HOXB3: variants seen among roughly 807,000 people sequenced by gnomAD.
HOXB3 encodes homeobox B3, also known as homeobox protein Hox-B3.
Under a neutral mutation model 29.2 loss-of-function variants are expected in HOXB3, and 17 were observed. The ratio of observed to expected loss-of-function variants is 0.58; its 90% CI spans 0.40 to 0.87. HOXB3 has a LOEUF of 0.87. Ranked by LOEUF, HOXB3 falls within the 40% of genes least tolerant of loss-of-function variation. The pLI, the probability that HOXB3 is intolerant of heterozygous loss-of-function variation, is 0.00. For synonymous variants in HOXB3, 317 were observed against 285.9 expected (o/e 1.11, Z -1.10); for missense variants, 637 against 616.3 (o/e 1.03, Z -0.35).
intron 1 of HOXB3, among the ~76,000 whole-genome samples, chr17:48,587,158 T>C (rs1336425057): frequency 6.6e-6 from 1 of 152,130 alleles, no homozygotes; most frequent in Non-Finnish European, 1.5e-5. Context: ...CAGAGGGCCC[T>C]CCAATCTCAA....
chr17:48,550,719 A>C lies in HOXB3; in HGVS notation c.911T>G (p.Leu304Arg), dbSNP rs751235759. ...FGKAHQNAYALPSNYQPPLKG... is the reference protein window; with the variant it reads ...FGKAHQNAYARPSNYQPPLKG... ...GAGAGGGGGCTGGTAGTTGGAGGGC[A>C]GCGCGTAGGCATTCTGGTGGGCTTT... Residue 304 changes from leucine (L) to arginine (R), a missense_variant, in exon 5 of 5, where the codon CTG becomes CGG. Coordinates refer to ENST00000498678, the MANE Select transcript of HOXB3 (RefSeq NM_001384749.1). 3 of 1,555,304 alleles carry C rather than the reference A, an allele frequency of 1.9e-6. No homozygotes were observed. Among genetic ancestry groups the C allele is most frequent in the Non-Finnish European group, 2.6e-6 (3 of 1,149,118 alleles).
chr17:48,589,379 C>G (rs1465611556), intron 1 of HOXB3, among the ~76,000 whole-genome samples: 1 of 152,210 alleles, frequency 6.6e-6, no homozygotes, highest in Admixed American at 6.5e-5. Context: ...CCTTCCCCCA[C>G]TCCTGGTTCA....
chr17:48,557,406 G>A (rs551171994), intron 2 of HOXB3: 1 of 152,422 alleles, frequency 6.6e-6, no homozygotes, highest in African/African-American at 2.4e-5. Flanking sequence ...ATAGGTTGGA[G>A]GTGTCTGGCA....
intron 1 of HOXB3, chr17:48,578,265 G>A (rs765594322): frequency 6.8e-6 from 11 of 1,614,000 alleles, no homozygotes; most frequent in Non-Finnish European, 7.6e-6. Flanking sequence ...TCCTCGCATG[G>A]AGGGAACTTG....
intron 2 of HOXB3, among the ~76,000 whole-genome samples, chr17:48,569,486 G>T (rs2069510482): frequency 6.6e-6 from 1 of 150,900 alleles, no homozygotes; most frequent in South Asian, 2.1e-4. Flanking sequence ...GAAATAGTCT[G>T]CAGGGGCGTC....
chr17:48,587,768 C>T (rs1231914856), intron 1 of HOXB3, among the ~76,000 whole-genome samples: 1 of 152,220 alleles, frequency 6.6e-6, no homozygotes, highest in Non-Finnish European at 1.5e-5. Flanking sequence ...TTCCTCCCAC[C>T]CATTGGCCTC....
intron 1 of HOXB3, chr17:48,580,320 T>TC (rs1316012045): frequency 6.7e-6 from 1 of 149,732 alleles, no homozygotes; most frequent in Non-Finnish European, 1.4e-5. Flanking sequence ...CCAGGACTTT[T>TC]TTTTTTTTTT....
Position 48,554,637 on chromosome 17 carries a change from G to A in HOXB3, c.-159+894C>T. 2 of 702,178 alleles carry A rather than the reference G, an allele frequency of 2.8e-6. No individual in the cohort carries two copies. Among genetic ancestry groups the A allele is most frequent in the South Asian group, 3.0e-5 (2 of 67,582 alleles). 43.5% of individuals were successfully genotyped at this position (702,178 alleles called of 1,614,324 possible). ...GACAAGCTACCAGCCACCTACGATG[G>A]CCCAAGGAGGCGAAGAAGAGCAAGC... is the stretch of plus-strand genomic sequence containing the variant. On this transcript the variant is annotated intron_variant, in intron 3 of 4. Coordinates refer to ENST00000498678, the MANE Select transcript of HOXB3 (RefSeq NM_001384749.1). This position sits in a 1 kb window ranked among gnomAD's most constrained non-coding sequence, Gnocchi z 4.1.
In HOXB3 at chr17:48,576,568, C is replaced by T. The variant is rs932023062; in HGVS notation, c.-424-2554G>A. On this transcript the variant is annotated intron_variant, in intron 1 of 4. Coordinates refer to ENST00000498678, the MANE Select transcript of HOXB3 (RefSeq NM_001384749.1). ...TCTATAAATAAAGCTTCCCCTCCCCCTCTTCTGCGTTTATTCGTATATAAA... is the reference window on the plus strand; with the variant it reads ...TCTATAAATAAAGCTTCCCCTCCCCTTCTTCTGCGTTTATTCGTATATAAA... The T allele has an allele frequency of 2.9e-5, 17 of 578,320 alleles. No individual in the cohort carries two copies. In the Admixed American group the frequency reaches 3.6e-4, roughly 12 times the overall value. The allele number at this position is 578,320 out of a possible 1,614,324, so 35.8% of individuals were successfully genotyped here. A position where few individuals can be genotyped will look rare whatever the true frequency, so the allele number is the denominator to read the frequency against.
At chr17:48,582,939 T>A (rs761198577) in intron 1 of HOXB3, among the ~76,000 whole-genome samples, 3 of 152,208 alleles carry the variant, frequency 2.0e-5, no homozygotes, top group Non-Finnish European at 4.4e-5. Context: ...AAAGCATGGC[T>A]TTGGGCACCT....
At chr17:48,561,183 A>AACACAG (rs1555637576) in intron 2 of HOXB3, among the ~76,000 whole-genome samples, 2 of 125,488 alleles carry the variant, frequency 1.6e-5, no homozygotes, top group African/African-American at 5.7e-5. Context: ...TCCGTCTCAA[A>AACACAG]ACACACACAC....
At chr17:48,572,612 C>G (rs2069619968) in intron 2 of HOXB3, among the ~76,000 whole-genome samples, 1 of 152,190 alleles carries the variant, frequency 6.6e-6, no homozygotes, top group Non-Finnish European at 1.5e-5. Flanking sequence ...TGGCTGGAGC[C>G]TGGACTGCTG....
chr17:48,577,058 T>G, intron 1 of HOXB3: 2 of 1,521,094 alleles, frequency 1.3e-6, no homozygotes, highest in African/African-American at 1.4e-5. Flanking sequence ...GAGAAAGTTT[T>G]ATTGCCCCCG....
In HOXB3 at chr17:48,549,548, G is replaced by A. The variant is rs994183415; in HGVS notation, c.*786C>T. 2 of 152,608 alleles carry A rather than the reference G, an allele frequency of 1.3e-5. No individual in the cohort carries two copies. The highest frequency in any genetic ancestry group is 2.4e-5 in the African/African-American group (1 of 41,404). The allele number at this position is 152,608 out of a possible 1,614,324, so 9.5% of individuals were successfully genotyped here. ...GTCACCAACTGCTTTCTGTGGAGAGGGGGATGGAGCTGGAGCTGAGATGGA... is the reference window on the plus strand; with the variant it reads ...GTCACCAACTGCTTTCTGTGGAGAGAGGGATGGAGCTGGAGCTGAGATGGA... On this transcript the variant is annotated 3_prime_UTR_variant, in exon 5 of 5. Coordinates refer to ENST00000498678, the MANE Select transcript of HOXB3 (RefSeq NM_001384749.1).
chr17:48,565,442 C>T (rs919096375), intron 2 of HOXB3, among the ~76,000 whole-genome samples: 3 of 152,244 alleles, frequency 2.0e-5, no homozygotes, highest in African/African-American at 7.2e-5. Flanking sequence ...TCCCTCTGTG[C>T]CTGCTCCCCA....
chr17:48,583,641 C>G (rs996426756), intron 1 of HOXB3, among the ~76,000 whole-genome samples: 10 of 152,258 alleles, frequency 6.6e-5, no homozygotes, highest in Non-Finnish European at 1.5e-4. Flanking sequence ...GAGGCCACTT[C>G]TTCCCCATCC....
chr17:48,567,693 C>T (rs2069435680), intron 2 of HOXB3, among the ~76,000 whole-genome samples: 1 of 152,224 alleles, frequency 6.6e-6, no homozygotes, highest in Non-Finnish European at 1.5e-5. Context: ...CCAACATCCT[C>T]CAACACTCCC....
intron 1 of HOXB3, among the ~76,000 whole-genome samples, chr17:48,584,466 G>A (rs539082623): frequency 6.6e-6 from 1 of 152,280 alleles, no homozygotes; most frequent in South Asian, 2.1e-4. Flanking sequence ...CAGGGGTGGA[G>A]GATTGAAAGA....
At position 48,554,910 on chromosome 17, in the gene HOXB3, G is replaced by A. The variant is rs1474630469; in HGVS notation, c.-159+621C>T. ...CCAAGATCTGGGATCCAGAACAAGA[G>A]GGGGTGGGGAACAACTCTACCAAGC... On this transcript the variant is annotated intron_variant, in intron 3 of 4. Coordinates refer to ENST00000498678, the MANE Select transcript of HOXB3 (RefSeq NM_001384749.1). The surrounding 1 kb of genome is among the most constrained non-coding windows in gnomAD (Gnocchi z 4.1). The A allele has an allele frequency of 5.8e-6, 4 of 689,092 alleles. No individual in the cohort carries two copies. Among genetic ancestry groups the A allele is most frequent in the African/African-American group, 1.8e-5 (1 of 56,550 alleles). The allele number at this position is 689,092 out of a possible 1,614,324, so 42.7% of individuals were successfully genotyped here. A position where few individuals can be genotyped will look rare whatever the true frequency, so the allele number is the denominator to read the frequency against.
Sources: allele counts gnomAD v4.1 joint callset (sites outside exome capture counted in the v4.1 genomes callset), GRCh38; gene constraint gnomAD v4.1.1; non-coding constraint Gnocchi (gnomAD v3.1); transcripts MANE v1.5; gene names NCBI Gene and HGNC (gene_info 2026-07-23, HGNC 2026-07-21).